The following SDK1 variants were observed in gnomAD, a reference collection of about 807,000 sequenced individuals.
SDK1 encodes sidekick cell adhesion molecule 1, also known as protein sidekick-1.
In SDK1, 157 loss-of-function variants were observed where a neutral mutation model predicts 245.5. The ratio of observed to expected loss-of-function variants is 0.64; its 90% confidence interval spans 0.56 to 0.73. The LOEUF (loss-of-function observed/expected upper bound fraction) is 0.73, where lower values mean the gene tolerates loss of function less well. Ranked by LOEUF, SDK1 falls within the 30% of genes least tolerant of loss-of-function variation. The pLI is 0.00. For missense variants in SDK1, 3,583 were observed against 3,002.3 expected, an observed-to-expected ratio of 1.19 and a Z score of -4.52; for synonymous variants, 1,647 against 1,278.5, an observed-to-expected ratio of 1.29 and a Z score of -6.15.
chr7:3,985,209 G>C (rs1409326180), intron 13 of SDK1, among the ~76,000 whole-genome samples: 1 of 152,254 alleles, frequency 6.6e-6, no homozygotes, highest in Non-Finnish European at 1.5e-5. Flanking sequence ...GTTCACCATG[G>C]TGGCGAAAAC....
chr7:3,698,592 C>T (rs1784643797), intron 4 of SDK1, among the ~76,000 whole-genome samples: 1 of 152,176 alleles, frequency 6.6e-6, no homozygotes, highest in African/African-American at 2.4e-5. Flanking sequence ...TAGTAAAACA[C>T]CACAAATACT....
chr7:3,600,773 C>A (rs1319014940), intron 1 of SDK1, among the ~76,000 whole-genome samples: 1 of 152,016 alleles, frequency 6.6e-6, no homozygotes, highest in Non-Finnish European at 1.5e-5. Flanking sequence ...TGGTCTCGAT[C>A]TCCTGACCTC....
rs192399131 is a variant in SDK1, at chr7:3,480,503, G to A, written c.299-138577G>A. Among the ~76,000 whole-genome samples, 24 of 152,274 alleles carry A rather than the reference G, an allele frequency of 1.6e-4. No homozygotes were observed. In the South Asian group the frequency reaches 3.5e-3, roughly 22 times the overall value. On this transcript the variant is annotated intron_variant, in intron 1 of 44. Transcript: ENST00000404826. ...CACATACGCTCATGTAGGAACTACC[G>A]GAAGAACTTCGGTGTTCCCGATAAG... is the stretch of plus-strand genomic sequence containing the variant.
intron 1 of SDK1, among the ~76,000 whole-genome samples, chr7:3,485,768 T>C (rs951314981): frequency 6.7e-6 from 1 of 148,714 alleles, no homozygotes; most frequent in Non-Finnish European, 1.5e-5. Flanking sequence ...ATGTTCCATC[T>C]ATATTCATAA....
At chr7:3,453,325 C>T (rs943097068) in intron 1 of SDK1, among the ~76,000 whole-genome samples, 1 of 152,186 alleles carries the variant, frequency 6.6e-6, no homozygotes, top group African/African-American at 2.4e-5. Flanking sequence ...AATAAGTTGC[C>T]CTGGTGGGCC....
At chr7:4,050,506 G>A (rs997283915) in intron 18 of SDK1, among the ~76,000 whole-genome samples, 5 of 152,324 alleles carry the variant, frequency 3.3e-5, no homozygotes, top group African/African-American at 9.6e-5. Context: ...TACGCTTTGC[G>A]TCCTGCAGCA....
chr7:3,581,111 G>A (rs557717429), intron 1 of SDK1, among the ~76,000 whole-genome samples: 1 of 151,886 alleles, frequency 6.6e-6, no homozygotes, highest in Admixed American at 6.6e-5. Context: ...GTTGACAAAT[G>A]GGATCTAATT....
intron 38 of SDK1, among the ~76,000 whole-genome samples, chr7:4,211,222 T>C (rs75770461): frequency 6.6e-6 from 1 of 152,086 alleles, no homozygotes; most frequent in African/African-American, 2.4e-5. Context: ...ACAGCTTCCA[T>C]AGAAGAGCAG....
chr7:3,347,690 C>A (rs1343416935), intron 1 of SDK1, among the ~76,000 whole-genome samples: 2 of 152,090 alleles, frequency 1.3e-5, no homozygotes, highest in Non-Finnish European at 2.9e-5. Context: ...AGTTTTTTCT[C>A]CCCATGCCCT....
At chr7:3,955,298 C>T (rs1169343695) in intron 7 of SDK1, among the ~76,000 whole-genome samples, 1 of 152,206 alleles carries the variant, frequency 6.6e-6, no homozygotes, top group African/African-American at 2.4e-5. Context: ...TGGCTCATCT[C>T]CAGAGCCAGC....
At chr7:3,731,213 T>G (rs1224861843) in intron 4 of SDK1, among the ~76,000 whole-genome samples, 1 of 152,180 alleles carries the variant, frequency 6.6e-6, no homozygotes, top group African/African-American at 2.4e-5. Flanking sequence ...CTCATGTTCT[T>G]CCTTCCACTT....
At chr7:4,037,491 T>C (rs6950754) in intron 17 of SDK1, among the ~76,000 whole-genome samples, 47,822 of 151,938 alleles carry the variant, frequency 0.31, 11,807 homozygotes, top group African/African-American at 0.69. Context: ...TGATGACTCA[T>C]CTGTAATTGC....
intron 5 of SDK1, among the ~76,000 whole-genome samples, chr7:3,950,415 A>G (rs571955032): frequency 1.3e-5 from 2 of 152,336 alleles, no homozygotes; most frequent in East Asian, 3.9e-4. Flanking sequence ...CCCTCCGTCA[A>G]CCATGGTCCG....
chr7:3,773,175 A>G (rs1780451485), intron 4 of SDK1, among the ~76,000 whole-genome samples: 3 of 152,128 alleles, frequency 2.0e-5, no homozygotes, highest in South Asian at 2.1e-4. Flanking sequence ...CCCATAACAC[A>G]TATGTTTGTC....
chr7:3,809,389 A>T (rs1443830252), intron 4 of SDK1, among the ~76,000 whole-genome samples: 3 of 152,076 alleles, frequency 2.0e-5, no homozygotes, highest in African/African-American at 4.8e-5. Flanking sequence ...TCAACATGAG[A>T]TTTGGATGGA....
intron 44 of SDK1, among the ~76,000 whole-genome samples, chr7:4,250,938 C>T (rs1179607664): frequency 3.3e-5 from 5 of 152,176 alleles, no homozygotes; most frequent in Non-Finnish European, 7.3e-5. Flanking sequence ...TACCAGTCAC[C>T]TCCCATTCCC....
chr7:3,662,043 T>C (rs1783380287), intron 4 of SDK1, among the ~76,000 whole-genome samples: 2 of 17,544 alleles, frequency 1.1e-4, no homozygotes, highest in African/African-American at 2.7e-4. Flanking sequence ...ACGGTTGTAT[T>C]TTTTTTTTTT....
At chr7:3,489,470 C>G (rs1332951083) in intron 1 of SDK1, among the ~76,000 whole-genome samples, 3 of 152,052 alleles carry the variant, frequency 2.0e-5, no homozygotes, top group African/African-American at 7.2e-5. Flanking sequence ...TTACCATTTT[C>G]TTTATAATTC....
intron 2 of SDK1, among the ~76,000 whole-genome samples, chr7:3,622,697 T>G (rs573379279): frequency 6.6e-5 from 10 of 152,334 alleles, no homozygotes; most frequent in African/African-American, 2.2e-4. Context: ...TTGGTTGTAT[T>G]GAAGCAAGAT....
Sources: gnomAD v4.1 joint callset for allele counts (sites outside exome capture counted in the v4.1 genomes callset) on GRCh38, gnomAD v4.1.1 for gene constraint, MANE v1.5 for transcripts, NCBI Gene and HGNC (gene_info 2026-07-23, HGNC 2026-07-21) for gene names.